The following PRKG1 variants were observed in gnomAD, a reference collection of about 807,000 sequenced individuals.
PRKG1 encodes the protein protein kinase cGMP-dependent 1.
Under a neutral mutation model 88.1 loss-of-function variants are expected in PRKG1, and 35 were observed. The ratio of observed to expected loss-of-function variants is 0.40; its 90% CI spans 0.30 to 0.53. The LOEUF is 0.53. Ranked by LOEUF, PRKG1 falls within the 20% of genes least tolerant of loss-of-function variation. The pLI is 0.59. For synonymous variants in PRKG1, 303 were observed against 292.5 expected (o/e 1.04, Z -0.37); for missense variants, 540 against 839.8 (o/e 0.64, Z 4.41).
chr10:51,931,939 A>C (rs1485516560), intron 5 of PRKG1, among the ~76,000 whole-genome samples: 1 of 152,114 alleles, frequency 6.6e-6, no homozygotes, highest in Non-Finnish European at 1.5e-5. Context: ...AAAGGAGAGA[A>C]ATGTTACCAC....
At chr10:51,698,223 T>A in intron 3 of PRKG1, 6 of 1,614,124 alleles carry the variant, frequency 3.7e-6, no homozygotes, top group Non-Finnish European at 5.1e-6. Context: ...CTGGTTTCCA[T>A]CGCACAGGTC....
chr10:51,523,088 A>G (rs1053220024), intron 3 of PRKG1, among the ~76,000 whole-genome samples: 2 of 152,218 alleles, frequency 1.3e-5, no homozygotes, highest in Non-Finnish European at 2.9e-5. Flanking sequence ...GCAACACCAG[A>G]TACTGCGAGG....
chr10:51,316,081 T>C (rs1588829652), intron 2 of PRKG1, among the ~76,000 whole-genome samples: 1 of 152,286 alleles, frequency 6.6e-6, no homozygotes, highest in East Asian at 1.9e-4. Flanking sequence ...AACAGAAGGA[T>C]GGAGTAGAAA....
At chr10:51,213,668 T>C (rs1838294316) in intron 2 of PRKG1, among the ~76,000 whole-genome samples, 1 of 152,224 alleles carries the variant, frequency 6.6e-6, no homozygotes, top group Non-Finnish European at 1.5e-5. Flanking sequence ...AATATTACTT[T>C]AAAATATTAT....
intron 3 of PRKG1, among the ~76,000 whole-genome samples, chr10:51,545,660 G>A (rs1163245245): frequency 6.6e-6 from 1 of 152,070 alleles, no homozygotes; most frequent in Non-Finnish European, 1.5e-5. Flanking sequence ...TTCCATCATA[G>A]AAAATTATAT....
At chr10:51,281,956 T>A (rs774938446) in intron 2 of PRKG1, among the ~76,000 whole-genome samples, 3 of 152,154 alleles carry the variant, frequency 2.0e-5, no homozygotes, top group Non-Finnish European at 4.4e-5. Context: ...TTTTTCATAG[T>A]GGTGCTGGGG....
At chr10:51,801,936 T>C (rs1839184831) in intron 3 of PRKG1, among the ~76,000 whole-genome samples, 2 of 152,188 alleles carry the variant, frequency 1.3e-5, no homozygotes. Context: ...TTCCCAGCAC[T>C]GTCTCAGCTT....
intron 2 of PRKG1, among the ~76,000 whole-genome samples, chr10:51,443,856 G>C (rs1839192563): frequency 6.6e-6 from 1 of 151,990 alleles, no homozygotes. Context: ...AAGAACACTT[G>C]ATAACTGTTG....
At chr10:51,569,443 T>G (rs946295359) in intron 3 of PRKG1, among the ~76,000 whole-genome samples, 1 of 152,060 alleles carries the variant, frequency 6.6e-6, no homozygotes, top group African/African-American at 2.4e-5. Flanking sequence ...GGTGATCTGC[T>G]TCTGTGCCAG....
chr10:51,158,448 A>C (rs1159914876), intron 2 of PRKG1, among the ~76,000 whole-genome samples: 1 of 152,022 alleles, frequency 6.6e-6, no homozygotes, highest in African/African-American at 2.4e-5. Flanking sequence ...AGCCCATAAA[A>C]GATGCATAGC....
Position 51,407,086 on chromosome 10 carries a change from C to G in PRKG1, c.479-60637C>G, listed in dbSNP as rs1197919293. 5.3e-5 allele frequency among the ~76,000 whole-genome samples: 8 copies of G among 152,284 alleles called. No homozygotes were observed. In the East Asian group the frequency reaches 1.5e-3, roughly 29 times the overall value. ...CGCTGGCAGCTGATTAAATGATGCC[C>G]ACCGGGATTAAGTGTGGGCCTCCCT... On this transcript the variant is annotated intron_variant, in intron 2 of 17. Coordinates refer to ENST00000373980, the MANE Select transcript of PRKG1 (RefSeq NM_006258.4).
intron 3 of PRKG1, among the ~76,000 whole-genome samples, chr10:51,502,218 A>G (rs1328456813): frequency 2.6e-5 from 4 of 152,096 alleles, no homozygotes; most frequent in African/African-American, 4.8e-5. Context: ...AACATGCTGG[A>G]TCTCTGTTAT....
At chr10:51,652,927 A>C (rs1391356872) in intron 3 of PRKG1, among the ~76,000 whole-genome samples, 1 of 152,110 alleles carries the variant, frequency 6.6e-6, no homozygotes, top group East Asian at 1.9e-4. Flanking sequence ...CTACGAATTC[A>C]ACATTTTTAG....
chr10:51,786,520 T>C (rs900622905), intron 3 of PRKG1, among the ~76,000 whole-genome samples: 21 of 152,256 alleles, frequency 1.4e-4, no homozygotes, highest in African/African-American at 5.1e-4. Context: ...TGGGGAACTC[T>C]TCCCTCACCA....
chr10:51,338,630 C>T (rs902189068), intron 2 of PRKG1, among the ~76,000 whole-genome samples: 5 of 152,204 alleles, frequency 3.3e-5, no homozygotes, highest in East Asian at 1.9e-4. Flanking sequence ...TTACATGCAG[C>T]GCTGCCATTA....
At chr10:51,051,260 C>T (rs751727022) in intron 1 of PRKG1, among the ~76,000 whole-genome samples, 2 of 152,064 alleles carry the variant, frequency 1.3e-5, no homozygotes, top group Non-Finnish European at 2.9e-5. Context: ...AAGATTTTCC[C>T]CTATGCTTTC....
chr10:50,999,520 A>G (rs1416552503), intron 1 of PRKG1, among the ~76,000 whole-genome samples: 1 of 152,204 alleles, frequency 6.6e-6, no homozygotes, highest in Admixed American at 6.5e-5. Flanking sequence ...GTACTTTAAA[A>G]TGTGTTTTAA....
chr10:52,140,692 G>A (rs1186417423), intron 8 of PRKG1, among the ~76,000 whole-genome samples: 1 of 152,120 alleles, frequency 6.6e-6, no homozygotes, highest in Non-Finnish European at 1.5e-5. Context: ...CTTTCAGAAT[G>A]TCAGGTGCCA....
chr10:51,730,083 A>G (rs1842236654), intron 3 of PRKG1, among the ~76,000 whole-genome samples: 1 of 152,206 alleles, frequency 6.6e-6, no homozygotes, highest in Non-Finnish European at 1.5e-5. Context: ...GGTTTGGACA[A>G]CTAGAGTCTC....
Sources: allele counts gnomAD v4.1 joint callset (sites outside exome capture counted in the v4.1 genomes callset), GRCh38; gene constraint gnomAD v4.1.1; transcripts MANE v1.5; gene names NCBI Gene and HGNC (gene_info 2026-07-23, HGNC 2026-07-21).